Variants in HDAC8 observed in about 807,000 individuals in gnomAD.
HDAC8 encodes the protein histone deacetylase-like 1.
A neutral mutation model predicts 32.2 loss-of-function variants in HDAC8; 1 was observed. The ratio of observed to expected loss-of-function variants is 0.03; its 90% CI spans 0.01 to 0.15. The LOEUF (loss-of-function observed/expected upper bound fraction) is 0.15. Among genes scored for constraint, HDAC8 ranks in the 10% least tolerant of loss-of-function variants. The probability of loss-of-function intolerance (pLI) is 1.00; values close to 1 mark genes in which losing one functional copy is unlikely to be tolerated. For missense variants in HDAC8, 117 were observed against 300.0 expected, an observed-to-expected ratio of 0.39 and a Z score of 4.51; for synonymous variants, 108 against 113.9, an observed-to-expected ratio of 0.95 and a Z score of 0.33.
chrX:72,390,300 C>A (rs1426479336), intron 9 of HDAC8, among the ~76,000 whole-genome samples: 1 of 111,056 alleles, frequency 9.0e-6, no homozygotes, highest in Non-Finnish European at 1.9e-5. Context: ...ATTTTTGTAC[C>A]CATTAACAGT....
At chrX:72,540,460 T>A (rs1199763993) in intron 4 of HDAC8, among the ~76,000 whole-genome samples, 1 of 111,536 alleles carries the variant, frequency 9.0e-6, no homozygotes, top group Non-Finnish European at 1.9e-5. Flanking sequence ...GAGAATGACG[T>A]TAATAGAATT....
chrX:72,347,196 A>G (rs1309418351), intron 10 of HDAC8, among the ~76,000 whole-genome samples: 2 of 111,608 alleles, frequency 1.8e-5, no homozygotes, highest in Non-Finnish European at 3.8e-5. Flanking sequence ...TAAGATAAAT[A>G]GTAGCTATTC....
At chrX:72,572,366 G>C in intron 1 of HDAC8, 1 of 413,098 alleles carries the variant, frequency 2.4e-6, no homozygotes, top group Non-Finnish European at 4.1e-6. Context: ...GTTTTCCCAC[G>C]ACTTCAGCGG....
At chrX:72,387,035 CA>C (rs782263600) in intron 9 of HDAC8, among the ~76,000 whole-genome samples, 3 of 111,976 alleles carry the variant, frequency 2.7e-5, no homozygotes, top group East Asian at 5.6e-4. Flanking sequence ...TTGAGGGAAT[CA>C]AAACCGAAAA....
chrX:72,435,905 T>G, intron 9 of HDAC8, among the ~76,000 whole-genome samples: 1 of 111,101 alleles, frequency 9.0e-6, no homozygotes, highest in Non-Finnish European at 1.9e-5. Context: ...GTGGTGGAGG[T>G]TGCAGTGAGC....
At chrX:72,402,175 T>C (rs1329271535) in intron 9 of HDAC8, among the ~76,000 whole-genome samples, 25 of 111,622 alleles carry the variant, frequency 2.2e-4, no homozygotes, top group African/African-American at 8.1e-4. Context: ...GTTATAATCC[T>C]TTCTATTTCT....
At chrX:72,374,810 CTT>C (rs782179373) in intron 9 of HDAC8, among the ~76,000 whole-genome samples, 20 of 97,762 alleles carry the variant, frequency 2.0e-4, no homozygotes, top group Admixed American at 3.3e-4. Flanking sequence ...TTCTTTCTTT[CTT>C]TTTTTTTTTT....
intron 10 of HDAC8, among the ~76,000 whole-genome samples, chrX:72,333,599 G>C (rs990234275): frequency 1.8e-5 from 2 of 108,525 alleles, no homozygotes; most frequent in Non-Finnish European, 3.8e-5. Flanking sequence ...GCTGAGGCAG[G>C]AGAATCGCTT....
chrX:72,444,282 C>T (rs1736722389), intron 9 of HDAC8, among the ~76,000 whole-genome samples: 4 of 106,579 alleles, frequency 3.8e-5, no homozygotes, highest in Admixed American at 3.1e-4. Context: ...ATGCAAAAAT[C>T]CTCAATAAAA....
At chrX:72,565,031 C>T (rs1232927363) in intron 4 of HDAC8, among the ~76,000 whole-genome samples, 3 of 111,910 alleles carry the variant, frequency 2.7e-5, no homozygotes, top group Non-Finnish European at 5.6e-5. Context: ...CTTAACACTT[C>T]CAAGGTTTTC....
At chrX:72,493,678 T>C (rs1028883214) in intron 5 of HDAC8, among the ~76,000 whole-genome samples, 8 of 111,962 alleles carry the variant, frequency 7.1e-5, no homozygotes, top group African/African-American at 2.6e-4. Flanking sequence ...TATAACCCTT[T>C]AAAAATGGAA....
intron 2 of HDAC8, among the ~76,000 whole-genome samples, chrX:72,570,588 G>A (rs1482915695): frequency 1.1e-5 from 1 of 88,812 alleles, no homozygotes; most frequent in African/African-American, 4.5e-5. Flanking sequence ...CAGCCTGCGC[G>A]ACAAAGCAAG....
At chrX:72,404,542 G>A (rs1169337624) in intron 9 of HDAC8, among the ~76,000 whole-genome samples, 1 of 109,904 alleles carries the variant, frequency 9.1e-6, no homozygotes, top group Non-Finnish European at 1.9e-5. Flanking sequence ...CTCAGAACTT[G>A]CTTTTTGGAT....
chrX:72,333,353 T>G (rs1255741130), intron 10 of HDAC8, among the ~76,000 whole-genome samples: 1 of 111,931 alleles, frequency 8.9e-6, no homozygotes, highest in African/African-American at 3.3e-5. Context: ...AGCTATTCCC[T>G]GCACAATTGC....
intron 4 of HDAC8, among the ~76,000 whole-genome samples, chrX:72,504,972 T>C (rs2049341822): frequency 9.0e-6 from 1 of 111,698 alleles, no homozygotes; most frequent in Non-Finnish European, 1.9e-5. Context: ...ATGTCAAGCA[T>C]TGTTTTATGA....
At chrX:72,551,011 C>G (rs1556069336) in intron 4 of HDAC8, among the ~76,000 whole-genome samples, 1 of 109,100 alleles carries the variant, frequency 9.2e-6, no homozygotes, top group East Asian at 2.9e-4. Flanking sequence ...GTTAGCAATT[C>G]AATGCAAATC....
At chrX:72,459,586 C>T (rs1346561765) in intron 9 of HDAC8, among the ~76,000 whole-genome samples, 1 of 111,076 alleles carries the variant, frequency 9.0e-6, no homozygotes. Context: ...TTTATGTACT[C>T]CTTTGTATCC....
intron 4 of HDAC8, among the ~76,000 whole-genome samples, chrX:72,527,347 T>C (rs144241977): frequency 8.9e-6 from 1 of 112,133 alleles, no homozygotes; most frequent in Non-Finnish European, 1.9e-5. Flanking sequence ...AGGCCTGGTC[T>C]GAACTCGGCA....
At chrX:72,437,501 T>C (rs2147966342) in intron 9 of HDAC8, among the ~76,000 whole-genome samples, 1 of 110,224 alleles carries the variant, frequency 9.1e-6, no homozygotes, top group Non-Finnish European at 1.9e-5. Context: ...AACTCTTCAC[T>C]CCCCTGAAAA....
Sources: gnomAD v4.1 joint callset for allele counts (sites outside exome capture counted in the v4.1 genomes callset) on GRCh38, gnomAD v4.1.1 for gene constraint, MANE v1.5 for transcripts, NCBI Gene and HGNC (gene_info 2026-07-23, HGNC 2026-07-21) for gene names.